The following DCC variants were observed in gnomAD, a reference collection of about 807,000 sequenced individuals.
The protein encoded by DCC is netrin receptor DCC.
A neutral mutation model predicts 172.5 loss-of-function variants in DCC; 58 were observed. The ratio of observed to expected loss-of-function variants is 0.34; its 90% CI spans 0.27 to 0.42. The LOEUF is 0.42. Ranked by LOEUF, DCC falls within the 10% of genes least tolerant of loss-of-function variation. The pLI is 1.00. For synonymous variants in DCC, 709 were observed against 644.5 expected, an observed-to-expected ratio of 1.10 and a Z score of -1.52; for missense variants, 1,740 against 1,791.0, an observed-to-expected ratio of 0.97 and a Z score of 0.51.
intron 15 of DCC, among the ~76,000 whole-genome samples, chr18:53,379,863 G>C (rs923860447): frequency 6.6e-6 from 1 of 152,132 alleles, no homozygotes; most frequent in Non-Finnish European, 1.5e-5. Context: ...GAATATTCTT[G>C]ATTTAAAAGA....
At chr18:53,471,488 A>G (rs909585860) in intron 25 of DCC, among the ~76,000 whole-genome samples, 12 of 152,174 alleles carry the variant, frequency 7.9e-5, no homozygotes, top group African/African-American at 2.9e-4. Flanking sequence ...TATAAATTAG[A>G]TAATGTTGTT....
intron 15 of DCC, among the ~76,000 whole-genome samples, chr18:53,364,551 C>T (rs1437632385): frequency 6.6e-6 from 1 of 151,664 alleles, no homozygotes; most frequent in Non-Finnish European, 1.5e-5. Context: ...TCACAGAATT[C>T]AAAAATTACA....
At chr18:52,569,783 G>A (rs1251111791) in intron 1 of DCC, among the ~76,000 whole-genome samples, 2 of 152,144 alleles carry the variant, frequency 1.3e-5, no homozygotes, top group Non-Finnish European at 2.9e-5. Flanking sequence ...AACCATTTAT[G>A]TTATAGCTAG....
At chr18:53,116,765 A>G (rs767730874) in intron 7 of DCC, among the ~76,000 whole-genome samples, 9 of 151,638 alleles carry the variant, frequency 5.9e-5, no homozygotes, top group Non-Finnish European at 1.2e-4. Flanking sequence ...TTTTCCTTCG[A>G]TTTCAATTGA....
At chr18:52,864,452 A>G (rs1474030497) in intron 2 of DCC, among the ~76,000 whole-genome samples, 1 of 152,208 alleles carries the variant, frequency 6.6e-6, no homozygotes, top group Non-Finnish European at 1.5e-5. Context: ...CAAGAAAGTC[A>G]TATTTTGGAG....
rs544443662 is a variant in DCC at position 53,512,486 on chromosome 18, G to C, written c.4111+12976G>C. Among the ~76,000 whole-genome samples, 43 of 149,742 alleles carry C rather than the reference G, an allele frequency of 2.9e-4. No individual in the cohort carries two copies. The East Asian group carries it at 7.9e-3, about 27-fold the overall frequency. ...GAATGACTTTGACGAGCTGAGAGAA[G>C]AAGGCTTCAGACGATCAAATTACTC... On this transcript the variant is annotated intron_variant, in intron 27 of 28. Coordinates refer to ENST00000442544, the MANE Select transcript of DCC (RefSeq NM_005215.4).
chr18:53,006,434 T>C (rs2041646668), intron 5 of DCC, among the ~76,000 whole-genome samples: 1 of 152,020 alleles, frequency 6.6e-6, no homozygotes, highest in Admixed American at 6.6e-5. Context: ...CCTAATAAAA[T>C]GAAAAATGAT....
At chr18:53,267,738 T>G (rs2056699046) in intron 12 of DCC, among the ~76,000 whole-genome samples, 1 of 152,136 alleles carries the variant, frequency 6.6e-6, no homozygotes, top group Non-Finnish European at 1.5e-5. Context: ...AATGCTAGGA[T>G]TAAAGGTGTA....
At chr18:53,428,831 T>G (rs1453884149) in intron 21 of DCC, among the ~76,000 whole-genome samples, 1 of 26,570 alleles carries the variant, frequency 3.8e-5, no homozygotes, top group African/African-American at 1.2e-4. Flanking sequence ...AATTATATAT[T>G]ATATATTTTA....
At chr18:52,850,283 C>T (rs1240568439) in intron 2 of DCC, among the ~76,000 whole-genome samples, 2 of 152,284 alleles carry the variant, frequency 1.3e-5, no homozygotes, top group Middle Eastern at 3.4e-3. Flanking sequence ...GGAAGCACAT[C>T]GTTTGTGTAT....
chr18:53,312,949 G>GGGAAGGGAGGAGGGAGTGGGGAGA lies in DCC; in HGVS notation c.2053+7247_2053+7270dup, dbSNP rs1568049020. 2.4e-3 allele frequency among the ~76,000 whole-genome samples: 310 copies of GGGAAGGGAGGAGGGAGTGGGGAGA among 130,342 alleles called. 1 individual carries two copies. Among genetic ancestry groups the GGGAAGGGAGGAGGGAGTGGGGAGA allele is most frequent in the Middle Eastern group, 4.4e-3 (1 of 228 alleles). The allele number at this position is 130,342 out of a possible 152,430, so 85.5% of individuals were successfully genotyped here. A position where few individuals can be genotyped will look rare whatever the true frequency, so the allele number is the denominator to read the frequency against. ...GGGGAGGGAAGGGAAAGGGAGGGGA[G>GGGAAGGGAGGAGGGAGTGGGGAGA]GGAAGGGAGGAGGGAGTGGGGAGAG... On this transcript the variant is annotated intron_variant, in intron 13 of 28. Coordinates refer to ENST00000442544, the MANE Select transcript of DCC (RefSeq NM_005215.4).
chr18:52,958,687 G>T (rs545001534), intron 5 of DCC, among the ~76,000 whole-genome samples: 1 of 152,066 alleles, frequency 6.6e-6, no homozygotes, highest in Admixed American at 6.5e-5. Context: ...GGATAAAGAA[G>T]GATGTAAATT....
intron 13 of DCC, among the ~76,000 whole-genome samples, chr18:53,308,442 A>C (rs756711985): frequency 5.5e-5 from 8 of 146,328 alleles, no homozygotes; most frequent in Admixed American, 1.3e-4. Context: ...CATATGCAAA[A>C]TGAAAAACAA....
At chr18:53,520,831 T>A (rs144170319) in intron 27 of DCC, among the ~76,000 whole-genome samples, 318 of 152,202 alleles carry the variant, frequency 2.1e-3, no homozygotes, top group African/African-American at 7.5e-3. Flanking sequence ...TAGTTGTTAA[T>A]AAATCTCTCC....
chr18:52,544,425 T>G (rs74447434), intron 1 of DCC, among the ~76,000 whole-genome samples: 7,283 of 125,906 alleles, frequency 0.058, 220 homozygotes, highest in South Asian at 0.079. Context: ...CAGGTAGTTT[T>G]TTTTTCTGTT....
chr18:52,484,883 T>A (rs1598854695), intron 1 of DCC, among the ~76,000 whole-genome samples: 1 of 152,224 alleles, frequency 6.6e-6, no homozygotes. Flanking sequence ...GACACTTTTA[T>A]CTGTTTCTAC....
chr18:52,926,836 C>CATAT (rs2040210370), intron 5 of DCC, among the ~76,000 whole-genome samples: 1 of 94,300 alleles, frequency 1.1e-5, no homozygotes, highest in Non-Finnish European at 2.1e-5. Flanking sequence ...CATATACATA[C>CATAT]ACACACACAC....
intron 1 of DCC, among the ~76,000 whole-genome samples, chr18:52,592,335 AT>A (rs1165877685): frequency 6.6e-6 from 1 of 152,204 alleles, no homozygotes; most frequent in African/African-American, 2.4e-5. Context: ...TAATATAATT[AT>A]TCAGCTATTT....
Position 52,386,912 on chromosome 18 carries a change from C to T in DCC, c.91+46034C>T, listed in dbSNP as rs183218224. ...CCAGTCTAGTACCTATTACAGATAC[C>T]ATTACGGGAGTAGCTCTGGTTTTTG... is the stretch of plus-strand genomic sequence containing the variant. On this transcript the variant is annotated intron_variant, in intron 1 of 28. Transcript: ENST00000442544. Among the ~76,000 whole-genome samples the T allele has an allele frequency of 4.5e-4, 69 of 152,096 alleles. No homozygotes were observed. The East Asian group carries it at 0.012, about 26-fold the overall frequency.
Sources: gnomAD v4.1 joint callset for allele counts (sites outside exome capture counted in the v4.1 genomes callset) on GRCh38, gnomAD v4.1.1 for gene constraint, MANE v1.5 for transcripts, NCBI Gene and HGNC (gene_info 2026-07-23, HGNC 2026-07-21) for gene names.